The following NOX4 variants were observed in gnomAD, a reference collection of about 807,000 sequenced individuals.
The protein encoded by NOX4 is kidney oxidase-1.
NOX4 carries 69 observed loss-of-function variants against 87.6 expected under a neutral mutation model. The observed-to-expected ratio is 0.79, with a 90% CI of 0.65 to 0.96. The LOEUF (loss-of-function observed/expected upper bound fraction) is 0.96, where lower values mean the gene tolerates loss of function less well. Ranked by LOEUF, NOX4 falls within the 40% of genes least tolerant of loss-of-function variation. The probability of loss-of-function intolerance (pLI) is 0.00; values close to 1 mark genes in which losing one functional copy is unlikely to be tolerated. For missense variants in NOX4, 680 were observed against 681.5 expected, an observed-to-expected ratio of 1.00 and a Z score of 0.02; for synonymous variants, 275 against 238.2, an observed-to-expected ratio of 1.15 and a Z score of -1.42.
intron 8 of NOX4, among the ~76,000 whole-genome samples, chr11:89,404,820 T>C (rs1335011814): frequency 6.6e-6 from 1 of 152,082 alleles, no homozygotes; most frequent in Non-Finnish European, 1.5e-5. Flanking sequence ...TAAGAAAGTA[T>C]CATATCAGTA....
chr11:89,520,524 G>A, the NOX4 span, among the ~76,000 whole-genome samples: 238 of 152,076 alleles, frequency 1.6e-3, no homozygotes, highest in African/African-American at 5.6e-3. Context: ...TTTGAATGTG[G>A]ATCTTTAAAA....
the NOX4 span, among the ~76,000 whole-genome samples, chr11:89,506,297 A>AAGAGAAAG: frequency 0.15 from 22,185 of 144,790 alleles, 2,368 homozygotes; most frequent in Admixed American, 0.25. Flanking sequence ...GAAAGAAAGA[A>AAGAGAAAG]AGAAAGAGAG....
At chr11:89,393,437 G>T (rs1481766808) in intron 11 of NOX4, among the ~76,000 whole-genome samples, 1 of 150,566 alleles carries the variant, frequency 6.6e-6, no homozygotes, top group Non-Finnish European at 1.5e-5. Context: ...GGATCCCAAA[G>T]GAAAAAAAAA....
At chr11:89,447,072 G>A (rs546197780) in intron 4 of NOX4, among the ~76,000 whole-genome samples, 13 of 151,406 alleles carry the variant, frequency 8.6e-5, no homozygotes, top group Admixed American at 2.6e-4. Context: ...TTTTTAAGAG[G>A]AAAAAAAATG....
intron 6 of NOX4, among the ~76,000 whole-genome samples, chr11:89,436,026 T>C (rs183416967): frequency 7.2e-5 from 11 of 152,302 alleles, no homozygotes; most frequent in African/African-American, 2.6e-4. Flanking sequence ...CAGGGGTAAC[T>C]GTTATCTGGG....
intron 2 of NOX4, among the ~76,000 whole-genome samples, chr11:89,481,271 G>A (rs1409409522): frequency 6.6e-6 from 1 of 151,720 alleles, no homozygotes; most frequent in Non-Finnish European, 1.5e-5. Context: ...ATATGTGTGT[G>A]TGTATATATA....
intron 7 of NOX4, 84 bp downstream of exon 7, chr11:89,432,700 C>A (rs1454819913): frequency 5.3e-6 from 5 of 950,778 alleles, no homozygotes; most frequent in Admixed American, 3.8e-5. Context: ...CAGGACACTA[C>A]AATGGTTAAA....
At chr11:89,394,988 C>T (rs1294027563) in intron 11 of NOX4, among the ~76,000 whole-genome samples, 3 of 152,110 alleles carry the variant, frequency 2.0e-5, no homozygotes, top group Non-Finnish European at 4.4e-5. Flanking sequence ...TTTATAGTAG[C>T]ATGATTTGTA....
chr11:89,348,777 T>C (rs1946325248), intron 13 of NOX4, among the ~76,000 whole-genome samples: 1 of 151,920 alleles, frequency 6.6e-6, no homozygotes, highest in African/African-American at 2.4e-5. Flanking sequence ...CTAAGTTAAG[T>C]ATAATTTGAG....
At chr11:89,450,285 A>G (rs1944900582) in intron 3 of NOX4, among the ~76,000 whole-genome samples, 1 of 152,216 alleles carries the variant, frequency 6.6e-6, no homozygotes, top group African/African-American at 2.4e-5. Context: ...ATAATTATGT[A>G]GAAAGGGTTG....
chr11:89,567,554 C>A, the NOX4 span, among the ~76,000 whole-genome samples: 2 of 152,170 alleles, frequency 1.3e-5, no homozygotes, highest in Non-Finnish European at 2.9e-5. Context: ...GAAGAAGAAG[C>A]AAACATATCT....
At chr11:89,496,037 C>G (rs566847958), upstream of NOX4, among the ~76,000 whole-genome samples, 2 of 152,240 alleles carry the variant, frequency 1.3e-5, no homozygotes, top group Admixed American at 6.5e-5. Context: ...GAAAAGGAAA[C>G]TCCATCATGT....
intron 13 of NOX4, among the ~76,000 whole-genome samples, chr11:89,346,007 T>C (rs1164320926): frequency 6.6e-6 from 1 of 152,124 alleles, no homozygotes; most frequent in East Asian, 1.9e-4. Flanking sequence ...TCATACTATC[T>C]CTCTTTGCTG....
the NOX4 span, among the ~76,000 whole-genome samples, chr11:89,557,366 A>T: frequency 6.6e-6 from 1 of 152,156 alleles, no homozygotes; most frequent in Non-Finnish European, 1.5e-5. Context: ...GGAAAAGGAG[A>T]AGTTTTTCCT....
chr11:89,554,197 G>A, the NOX4 span, among the ~76,000 whole-genome samples: 1 of 151,822 alleles, frequency 6.6e-6, no homozygotes, highest in African/African-American at 2.4e-5. Flanking sequence ...ATAAAACATG[G>A]ATCTAGCGTT....
intron 11 of NOX4, 40 bp from the exon 12 acceptor site, chr11:89,373,532 C>T (rs765670315): frequency 5.0e-6 from 6 of 1,205,546 alleles, no homozygotes; most frequent in Admixed American, 1.7e-5. Context: ...TTAATAATTA[C>T]ATAATATGAA....
chr11:89,583,410 A>C, the NOX4 span, among the ~76,000 whole-genome samples: 2 of 152,196 alleles, frequency 1.3e-5, no homozygotes, highest in African/African-American at 4.8e-5. Flanking sequence ...TAAGTGCAGT[A>C]ATCTTATAAC....
At chr11:89,373,285 A>C in intron 12 of NOX4, 147 bp downstream of exon 12, 1 of 471,660 alleles carries the variant, frequency 2.1e-6, no homozygotes. Flanking sequence ...AGCAAAAAAA[A>C]AAAAAAAAAA....
the NOX4 span, among the ~76,000 whole-genome samples, chr11:89,553,928 G>C: frequency 6.7e-6 from 1 of 149,158 alleles, no homozygotes. Flanking sequence ...TTGGAGGGAA[G>C]TGCCTACCCA....
Sources: allele counts gnomAD v4.1 joint callset (sites outside exome capture counted in the v4.1 genomes callset), GRCh38; gene constraint gnomAD v4.1.1; transcripts MANE v1.5; gene names NCBI Gene and HGNC (gene_info 2026-07-23, HGNC 2026-07-21).